NCKAP5: variants seen among roughly 807,000 people sequenced by gnomAD.
The protein encoded by NCKAP5 is NCK associated protein 5.
A neutral mutation model predicts 167.0 loss-of-function variants in NCKAP5; 92 were observed. That is an observed-to-expected ratio of 0.55 (90% CI 0.47 to 0.66). The LOEUF is 0.66. Among genes scored for constraint, NCKAP5 ranks in the 30% least tolerant of loss-of-function variants. The pLI is 0.00. For synonymous variants in NCKAP5, 891 were observed against 877.4 expected, an observed-to-expected ratio of 1.02 and a Z score of -0.27; for missense variants, 2,378 against 2,315.0, an observed-to-expected ratio of 1.03 and a Z score of -0.56.
At chr2:133,514,803 T>C (rs957766989) in intron 3 of NCKAP5, among the ~76,000 whole-genome samples, 2 of 152,168 alleles carry the variant, frequency 1.3e-5, no homozygotes, top group African/African-American at 2.4e-5. Context: ...AAGTGACAGG[T>C]TGTTCTACTT....
intron 5 of NCKAP5, among the ~76,000 whole-genome samples, chr2:133,203,547 A>C (rs2085803063): frequency 2.0e-5 from 3 of 152,156 alleles, no homozygotes; most frequent in Admixed American, 6.5e-5. Flanking sequence ...AATAATTAAA[A>C]AAAAAGAAAG....
chr2:133,008,799 A>G (rs2078056957), intron 6 of NCKAP5, among the ~76,000 whole-genome samples: 1 of 152,324 alleles, frequency 6.6e-6, no homozygotes, highest in East Asian at 1.9e-4. Flanking sequence ...AAAACAAAAC[A>G]AAACAAAAAT....
chr2:133,190,262 A>G (rs1340589223), intron 5 of NCKAP5, among the ~76,000 whole-genome samples: 2 of 152,186 alleles, frequency 1.3e-5, no homozygotes, highest in South Asian at 2.1e-4. Flanking sequence ...CCACTGTTCA[A>G]TGAAATAAAA....
At chr2:133,314,000 T>C (rs186584186) in intron 3 of NCKAP5, among the ~76,000 whole-genome samples, 1 of 152,310 alleles carries the variant, frequency 6.6e-6, no homozygotes, top group East Asian at 1.9e-4. Context: ...CTTTCAGACA[T>C]TTCCTTCTAC....
At chr2:133,117,738 C>G (rs2082126707) in intron 6 of NCKAP5, 1 of 152,176 alleles carries the variant, frequency 6.6e-6, no homozygotes, top group African/African-American at 2.4e-5. Flanking sequence ...GCTGAGGGAA[C>G]AGAAATCAAT....
chr2:132,679,113 G>A (rs535047612), intron 19 of NCKAP5, among the ~76,000 whole-genome samples: 1 of 152,300 alleles, frequency 6.6e-6, no homozygotes, highest in Admixed American at 6.5e-5. Context: ...TTTACTAAGA[G>A]AAAGTTTGAT....
chr2:132,936,371 G>A (rs756442130), intron 8 of NCKAP5, among the ~76,000 whole-genome samples: 1 of 152,184 alleles, frequency 6.6e-6, no homozygotes, highest in Non-Finnish European at 1.5e-5. Flanking sequence ...ATAAATTATG[G>A]TACATTTCCT....
intron 6 of NCKAP5, among the ~76,000 whole-genome samples, chr2:133,129,392 A>C (rs2082518697): frequency 6.6e-6 from 1 of 152,084 alleles, no homozygotes; most frequent in South Asian, 2.1e-4. Context: ...GATGGTTTCC[A>C]GTTTCATCCA....
rs567749580 is a variant in NCKAP5 at position 133,407,829 on chromosome 2, G to T, written c.70-104719C>A. On this transcript the variant is annotated intron_variant, in intron 3 of 19. Coordinates refer to ENST00000409261, the MANE Select transcript of NCKAP5 (RefSeq NM_207363.3). ...AAACAAACATCTTGTAAATATTTACGAGTGGGCTTGATATTATAAGTTGTT... is the reference window on the plus strand; with the variant it reads ...AAACAAACATCTTGTAAATATTTACTAGTGGGCTTGATATTATAAGTTGTT... 2.0e-5 allele frequency among the ~76,000 whole-genome samples: 3 copies of T among 152,282 alleles called. No homozygotes were observed. The South Asian group carries it at 6.2e-4, about 32-fold the overall frequency.
At chr2:133,299,885 G>C (rs1229376163) in intron 4 of NCKAP5, among the ~76,000 whole-genome samples, 1 of 146,772 alleles carries the variant, frequency 6.8e-6, no homozygotes, top group African/African-American at 2.6e-5. Context: ...TAGACCGCTA[G>C]CAAGACTAAT....
chr2:133,053,778 TTCTTTGCTGTGCTACACTGTAAA>T (rs1354207666), intron 6 of NCKAP5, among the ~76,000 whole-genome samples: 6 of 152,344 alleles, frequency 3.9e-5, no homozygotes, highest in Non-Finnish European at 7.3e-5. Context: ...AAGGAAACAC[TTCTTTGCTGTGCTACACTGTAAA>T]TCCTTTAATT....
intron 3 of NCKAP5, among the ~76,000 whole-genome samples, chr2:133,347,047 A>C (rs193019439): frequency 1.2e-4 from 18 of 152,372 alleles, no homozygotes; most frequent in Non-Finnish European, 1.8e-4. Flanking sequence ...TGTGAAATAT[A>C]AAACAACCTT....
intron 8 of NCKAP5, among the ~76,000 whole-genome samples, chr2:132,896,532 A>C (rs1693224294): frequency 6.6e-6 from 1 of 152,202 alleles, no homozygotes; most frequent in South Asian, 2.1e-4. Flanking sequence ...GTAGTTTCTT[A>C]TCGAGGGCTG....
At chr2:132,968,421 A>T (rs948220605) in intron 7 of NCKAP5, among the ~76,000 whole-genome samples, 2 of 152,232 alleles carry the variant, frequency 1.3e-5, no homozygotes, top group Non-Finnish European at 2.9e-5. Context: ...GATGGGTCAG[A>T]TGCCCTGAAT....
chr2:133,002,307 G>T (rs1312681529), intron 6 of NCKAP5, among the ~76,000 whole-genome samples: 1 of 152,176 alleles, frequency 6.6e-6, no homozygotes, highest in Non-Finnish European at 1.5e-5. Flanking sequence ...GTACATGCAT[G>T]TCTATGATAA....
At chr2:133,281,666 CT>C (rs1206181372) in intron 4 of NCKAP5, among the ~76,000 whole-genome samples, 1 of 152,136 alleles carries the variant, frequency 6.6e-6, no homozygotes, top group Non-Finnish European at 1.5e-5. Flanking sequence ...TGTGTTCTGC[CT>C]TTCTACTATT....
At chr2:133,143,270 T>G (rs555890637) in intron 5 of NCKAP5, among the ~76,000 whole-genome samples, 24 of 152,162 alleles carry the variant, frequency 1.6e-4, no homozygotes, top group Non-Finnish European at 3.1e-4. Context: ...AGAACAGGTG[T>G]GTTATTACAA....
rs1461985571 is a variant in NCKAP5, at chr2:133,069,882, TAC to T, written c.341+60094_341+60095del. On this transcript the variant is annotated intron_variant, in intron 6 of 19. Transcript: ENST00000409261. ...TTGATTTATTAAAAATATATATATATACACACACACAAAACATTCAGATTCTA... is the reference window on the plus strand; with the variant it reads ...TTGATTTATTAAAAATATATATATATACACACACAAAACATTCAGATTCTA... 1.6e-3 allele frequency among the ~76,000 whole-genome samples: 239 copies of T among 151,410 alleles called. 3 individuals carry two copies. The highest frequency in any genetic ancestry group is 4.3e-3 in the African/African-American group (176 of 41,352).
chr2:133,579,295 TG>T, the NCKAP5 span, among the ~76,000 whole-genome samples: 2 of 152,204 alleles, frequency 1.3e-5, no homozygotes, highest in Non-Finnish European at 2.9e-5. Flanking sequence ...AAACTGTAAT[TG>T]TATGTTAATG....
Sources: gnomAD v4.1 joint callset for allele counts (sites outside exome capture counted in the v4.1 genomes callset) on GRCh38, gnomAD v4.1.1 for gene constraint, MANE v1.5 for transcripts, NCBI Gene and HGNC (gene_info 2026-07-23, HGNC 2026-07-21) for gene names.